PHF19: variants seen among roughly 807,000 people sequenced by gnomAD.
The protein encoded by PHF19 is PHD finger protein 19, also known as polycomb like 3.
A neutral mutation model predicts 79.8 loss-of-function variants in PHF19; 21 were observed. The observed-to-expected ratio is 0.26, with a 90% CI of 0.19 to 0.38. The LOEUF (loss-of-function observed/expected upper bound fraction) is 0.38, where lower values mean the gene tolerates loss of function less well. Ranked by LOEUF, PHF19 falls within the 10% of genes least tolerant of loss-of-function variation. PHF19 has a pLI of 1.00. For missense variants in PHF19, 445 were observed against 744.2 expected, an observed-to-expected ratio of 0.60 and a Z score of 4.68; for synonymous variants, 273 against 296.3, an observed-to-expected ratio of 0.92 and a Z score of 0.81.
chr9:120,890,965 C>A (rs982122627), intron 1 of PHF19, among the ~76,000 whole-genome samples: 2 of 152,200 alleles, frequency 1.3e-5, no homozygotes, highest in African/African-American at 4.8e-5. Context: ...ACCCTTTAAC[C>A]CAGGTGCGAC....
rs376109446 is a variant in PHF19, at chr9:120,864,583, G to A, written c.901-467C>T. Among the ~76,000 whole-genome samples the A allele has an allele frequency of 1.9e-4, 29 of 152,174 alleles. 1 individual carries two copies. Among genetic ancestry groups the A allele is most frequent in the East Asian group, 1.4e-3 (7 of 5,184 alleles). On this transcript the variant is annotated intron_variant, in intron 9 of 14. Coordinates refer to ENST00000373896, the MANE Select transcript of PHF19 (RefSeq NM_015651.3). ...CTATAATCCCAGCTACTTGGGAGGC[G>A]GAGGCAGGAGAATCACTTGAACCCA...
At chr9:120,880,991 G>A (rs958222604), upstream of PHF19, among the ~76,000 whole-genome samples, 6 of 151,924 alleles carry the variant, frequency 3.9e-5, no homozygotes, top group Admixed American at 2.6e-4. Flanking sequence ...AAAACCCAAA[G>A]AAATACAAAA....
chr9:120,868,321 C>G (rs1429655617), intron 6 of PHF19: 2 of 152,278 alleles, frequency 1.3e-5, no homozygotes, highest in Non-Finnish European at 2.9e-5. Flanking sequence ...TGCATTAGTA[C>G]CACCACTACC....
At chr9:120,894,209 C>A (rs2046376029) in intron 1 of PHF19, among the ~76,000 whole-genome samples, 1 of 152,156 alleles carries the variant, frequency 6.6e-6, no homozygotes. Context: ...GCCACCGTCC[C>A]CTAAGACTGA....
rs927779718 is a variant in PHF19, at chr9:120,866,478, C to T, written c.711-382G>A. ...TTGACATCCATAAGGACTCCATTAG[C>T]TTTGCTCCGTCGGTTAGAAGCCACA... On this transcript the variant is annotated intron_variant, in intron 7 of 14. Coordinates refer to ENST00000373896, the MANE Select transcript of PHF19 (RefSeq NM_015651.3). The surrounding 1 kb of genome is among the most constrained non-coding windows in gnomAD (Gnocchi z 5.2). Among the ~76,000 whole-genome samples the T allele has an allele frequency of 6.6e-6, 1 of 152,206 alleles. No homozygotes were observed. Among genetic ancestry groups the T allele is most frequent in the Non-Finnish European group, 1.5e-5 (1 of 68,040 alleles).
intron 9 of PHF19, 102 bp downstream of exon 9, chr9:120,865,608 C>A (rs1396852725): frequency 7.0e-7 from 1 of 1,420,668 alleles, no homozygotes; most frequent in Non-Finnish European, 9.8e-7. Flanking sequence ...GATGCAGCAA[C>A]TCAAGGGTGA....
Position 120,865,839 on chromosome 9 carries a change from G to A in PHF19, c.780-9C>T. The stretch of plus-strand genomic sequence containing the variant: ...GGTGAACCACATCCACCCTGGGCAA[G>A]GGGGCAAGGAGGTGGGACCAGGTGA... On this transcript the variant is annotated splice_polypyrimidine_tract_variant and intron_variant, in intron 8 of 14. Transcript: ENST00000373896. 6.2e-7 allele frequency: 1 copy of A among 1,614,122 alleles called. No homozygotes were observed. Among genetic ancestry groups the A allele is most frequent in the South Asian group, 1.1e-5 (1 of 91,078 alleles).
rs1234142231 is a variant in PHF19, at chr9:120,862,632, G to A, written c.1086C>T (p.Asn362=). Residue 362 remains asparagine (N), a synonymous_variant, in exon 11 of 15, where the codon AAC becomes AAT. Transcript: ENST00000373896. This position sits in a 1 kb window ranked among gnomAD's most constrained non-coding sequence, Gnocchi z 4.6. ...TCTTACGCAGCTCAGAGGAGGCGCT[G>A]TTCTCATTTGGCAGCAGTCCTTTGT... is the stretch of plus-strand genomic sequence containing the variant. ...LPDKGLLPNE[N]SASSELRKRG... The A allele has an allele frequency of 6.2e-7, 1 of 1,614,172 alleles. No homozygotes were observed.
Position 120,874,494 on chromosome 9 carries a change from G to T in PHF19, c.186+62C>A. ...CCCCTGCCCCCTGGTCTGACAGCCAGGCTGGAACATGAGCAGAGAGATTCT... is the reference window on the plus strand; with the variant it reads ...CCCCTGCCCCCTGGTCTGACAGCCATGCTGGAACATGAGCAGAGAGATTCT... On this transcript the variant is annotated intron_variant, in intron 2 of 14. Transcript: ENST00000373896. This position sits in a 1 kb window ranked among gnomAD's most constrained non-coding sequence, Gnocchi z 4.5. 8.7e-7 allele frequency: 1 copy of T among 1,144,832 alleles called. No homozygotes were observed. The allele number at this position is 1,144,832 out of a possible 1,614,324, so 70.9% of individuals were successfully genotyped here. A position where few individuals can be genotyped will look rare whatever the true frequency, so the allele number is the denominator to read the frequency against.
chr9:120,860,878 G>A lies in PHF19; in HGVS notation c.1304+211C>T. 1 of 536,814 alleles carries A rather than the reference G, an allele frequency of 1.9e-6. No homozygotes were observed. The highest frequency in any genetic ancestry group is 3.4e-6 in the Non-Finnish European group (1 of 294,414). 33.3% of individuals were successfully genotyped at this position (536,814 alleles called of 1,614,324 possible). ...AAGCATCAAACAGCATGGTGAGTGT[G>A]GATAACCATGGGGCAAGGTGGGGAG... On this transcript the variant is annotated intron_variant, in intron 13 of 14. Transcript: ENST00000373896. The surrounding 1 kb of genome is among the most constrained non-coding windows in gnomAD (Gnocchi z 4.1).
intron 1 of PHF19, among the ~76,000 whole-genome samples, chr9:120,883,966 CCTCA>C (rs1182605309): frequency 9.2e-5 from 14 of 152,020 alleles, no homozygotes; most frequent in African/African-American, 2.4e-4. Context: ...TTTGTTTCTC[CCTCA>C]CTCGGTAACC....
At chr9:120,865,543 A>G (rs1207005740) in intron 9 of PHF19, among the ~76,000 whole-genome samples, 167 bp downstream of exon 9, 3 of 152,120 alleles carry the variant, frequency 2.0e-5, no homozygotes, top group Admixed American at 6.6e-5. Flanking sequence ...CCACTGCCAA[A>G]ATCTGGGATT....
intron 1 of PHF19, among the ~76,000 whole-genome samples, chr9:120,887,042 G>C (rs898526704): frequency 6.7e-6 from 1 of 148,488 alleles, no homozygotes; most frequent in African/African-American, 2.5e-5. Context: ...CTCCAGCCTA[G>C]GTGACAGAGC....
upstream of PHF19, among the ~76,000 whole-genome samples, chr9:120,880,306 T>TC (rs2046160141): frequency 6.6e-6 from 1 of 152,058 alleles, no homozygotes; most frequent in Non-Finnish European, 1.5e-5. Context: ...ACCAGCCTGA[T>TC]CAATATGGTG....
At chr9:120,894,937 A>G (rs1004723523), upstream of PHF19, 336 of 481,400 alleles carry the variant, frequency 7.0e-4, 2 homozygotes, top group East Asian at 0.013. Context: ...AACCCAGCAC[A>G]CAGTCCGCCA....
chr9:120,866,184 C>G lies in PHF19; in HGVS notation c.711-88G>C. On this transcript the variant is annotated intron_variant, in intron 7 of 14. Transcript: ENST00000373896. This position sits in a 1 kb window ranked among gnomAD's most constrained non-coding sequence, Gnocchi z 5.2. ...AGCCCCTTGATCTCCTCATTCCCCACCTACCTTCCCATAATCTTCTCACTC... is the reference window on the plus strand; with the variant it reads ...AGCCCCTTGATCTCCTCATTCCCCAGCTACCTTCCCATAATCTTCTCACTC... 3.2e-6 allele frequency: 3 copies of G among 935,130 alleles called. No individual in the cohort carries two copies. Among genetic ancestry groups the G allele is most frequent in the Non-Finnish European group, 5.3e-6 (3 of 566,552 alleles). 57.9% of individuals were successfully genotyped at this position (935,130 alleles called of 1,614,324 possible).
At chr9:120,858,489 A>G (rs753640692) in intron 14 of PHF19, among the ~76,000 whole-genome samples, 2 of 152,188 alleles carry the variant, frequency 1.3e-5, no homozygotes, top group Non-Finnish European at 2.9e-5. Flanking sequence ...GGCATAGATT[A>G]TCTCACCAGA....
chr9:120,874,065 G>C lies in PHF19; in HGVS notation c.187-5C>G, dbSNP rs771203777. 7.1e-6 allele frequency: 11 copies of C among 1,555,592 alleles called. No homozygotes were observed. Among genetic ancestry groups the C allele is most frequent in the Non-Finnish European group, 9.7e-6 (11 of 1,129,792 alleles). On this transcript the variant is annotated splice_polypyrimidine_tract_variant and splice_region_variant and intron_variant, in intron 2 of 14. Coordinates refer to ENST00000373896, the MANE Select transcript of PHF19 (RefSeq NM_015651.3). The surrounding 1 kb of genome is among the most constrained non-coding windows in gnomAD (Gnocchi z 4.5). The stretch of plus-strand genomic sequence containing the variant: ...GCTTTGCTTAGAGCTGCTGACCTGG[G>C]GTACAGATAGGAAGGAGCAAGTGAG...
At chr9:120,872,984 T>A (rs955686223) in intron 3 of PHF19, among the ~76,000 whole-genome samples, 1 of 152,230 alleles carries the variant, frequency 6.6e-6, no homozygotes, top group Non-Finnish European at 1.5e-5. Flanking sequence ...GCATTTTACA[T>A]GGATTAGCTT....
Sources: allele counts gnomAD v4.1 joint callset (sites outside exome capture counted in the v4.1 genomes callset), GRCh38; gene constraint gnomAD v4.1.1; non-coding constraint Gnocchi (gnomAD v3.1); transcripts MANE v1.5; gene names NCBI Gene and HGNC (gene_info 2026-07-23, HGNC 2026-07-21).